VPS37C: variants seen among roughly 807,000 people sequenced by gnomAD.
The protein encoded by VPS37C is VPS37C subunit of ESCRT-I.
VPS37C carries 9 observed loss-of-function variants against 16.1 expected under a neutral mutation model. The observed-to-expected ratio is 0.56, with a 90% CI of 0.34 to 0.97. The LOEUF is 0.97. Among genes scored for constraint, VPS37C ranks in the 50% least tolerant of loss-of-function variants. The pLI is 0.02. For missense variants in VPS37C, 479 were observed against 472.7 expected, an observed-to-expected ratio of 1.01 and a Z score of -0.12; for synonymous variants, 207 against 206.4, an observed-to-expected ratio of 1.00 and a Z score of -0.02.
At chr11:61,155,927 C>G (rs1853369225) in intron 1 of VPS37C, among the ~76,000 whole-genome samples, 1 of 152,026 alleles carries the variant, frequency 6.6e-6, no homozygotes, top group South Asian at 2.1e-4. Flanking sequence ...AGAAGTAAAA[C>G]AGGTGACAAC....
rs964295113 is a variant in VPS37C at position 61,131,883 on chromosome 11, G to A, written c.1005C>T (p.Pro335=). 7.8e-7 allele frequency: 1 copy of A among 1,274,306 alleles called. No homozygotes were observed. The highest frequency in any genetic ancestry group is 1.0e-6 in the Non-Finnish European group (1 of 1,004,272). 78.9% of individuals were successfully genotyped at this position (1,274,306 alleles called of 1,614,324 possible). The change falls in exon 5 of 5, where the codon CCC becomes CCT. Residue 335 remains proline, a synonymous_variant. Coordinates refer to ENST00000301765, the MANE Select transcript of VPS37C (RefSeq NM_017966.5). The stretch of plus-strand genomic sequence containing the variant: ...ACCCATAGGGAGGGGCGGGCCCGGG[G>A]GGATAAGGGGGCTGCAGGGGCACTG... The part of the protein sequence containing the change: ...QPSVPLQPPY[P]PGPAPPYGFP...
intron 2 of VPS37C, among the ~76,000 whole-genome samples, chr11:61,136,258 TG>T (rs1861371977): frequency 6.6e-6 from 1 of 150,734 alleles, no homozygotes; most frequent in African/African-American, 2.4e-5. Context: ...CTCTGCCTCC[TG>T]GGTTCAAGCG....
intron 3 of VPS37C, 53 bp downstream of exon 3, chr11:61,133,983 G>A: frequency 1.3e-6 from 2 of 1,562,584 alleles, no homozygotes; most frequent in Non-Finnish European, 1.7e-6. Context: ...AACACGGTGG[G>A]CCTCCGTCCA....
At chr11:61,150,724 C>T (rs1166193418) in intron 1 of VPS37C, among the ~76,000 whole-genome samples, 1 of 152,020 alleles carries the variant, frequency 6.6e-6, no homozygotes, top group African/African-American at 2.4e-5. Context: ...CCCCCTACCC[C>T]GCTGCTCCCA....
intron 1 of VPS37C, among the ~76,000 whole-genome samples, chr11:61,145,647 G>C (rs552128798): frequency 6.6e-6 from 1 of 152,354 alleles, no homozygotes; most frequent in African/African-American, 2.4e-5. Flanking sequence ...AGCCCACAGA[G>C]CTGCTAAGAA....
intron 2 of VPS37C, among the ~76,000 whole-genome samples, chr11:61,135,759 A>T (rs943764228): frequency 8.5e-5 from 13 of 152,166 alleles, no homozygotes; most frequent in Non-Finnish European, 1.3e-4. Flanking sequence ...CTTTACTTAC[A>T]TGGCTGACCC....
intron 1 of VPS37C, among the ~76,000 whole-genome samples, chr11:61,160,642 T>A (rs79234640): frequency 0.012 from 1,813 of 152,254 alleles, 38 homozygotes; most frequent in African/African-American, 0.041. Context: ...GCTCAGCGAC[T>A]AAAACCCCAG....
At position 61,150,552 on chromosome 11, in the gene VPS37C, G is replaced by GTTTT. The variant is rs139641666; in HGVS notation, c.-7+10835_-7+10838dup. ...GTCACTTTCAACCTTTTTCAAAGGA[G>GTTTT]TTTTGTTTTTTTTTTTTCCAAACAG... is the stretch of plus-strand genomic sequence containing the variant. On this transcript the variant is annotated intron_variant, in intron 1 of 4. Coordinates refer to ENST00000301765, the MANE Select transcript of VPS37C (RefSeq NM_017966.5). Among the ~76,000 whole-genome samples, 6 of 127,950 alleles carry GTTTT rather than the reference G, an allele frequency of 4.7e-5. 1 individual carries two copies. 83.9% of individuals were successfully genotyped at this position (127,950 alleles called of 152,430 possible).
At chr11:61,147,215 C>T (rs1026023995) in intron 1 of VPS37C, among the ~76,000 whole-genome samples, 6 of 152,050 alleles carry the variant, frequency 3.9e-5, no homozygotes, top group African/African-American at 1.2e-4. Context: ...CCACAAGAAT[C>T]CTGGAGCCCC....
chr11:61,158,520 A>C (rs1853414336), intron 1 of VPS37C, among the ~76,000 whole-genome samples: 1 of 152,254 alleles, frequency 6.6e-6, no homozygotes, highest in African/African-American at 2.4e-5. Flanking sequence ...TTAAAAGAAA[A>C]TAAATTAGAA....
intron 1 of VPS37C, among the ~76,000 whole-genome samples, chr11:61,140,826 T>G (rs988080720): frequency 6.6e-6 from 1 of 152,184 alleles, no homozygotes; most frequent in Non-Finnish European, 1.5e-5. Flanking sequence ...TCAGAAAGGT[T>G]ACAGTCACAG....
At chr11:61,159,901 C>CAA (rs35953020) in intron 1 of VPS37C, among the ~76,000 whole-genome samples, 3,127 of 49,374 alleles carry the variant, frequency 0.063, 355 homozygotes, top group Non-Finnish European at 0.074. Flanking sequence ...GACTCCGTCT[C>CAA]AAAAAAAAAA....
intron 1 of VPS37C, among the ~76,000 whole-genome samples, chr11:61,149,136 G>GTTA (rs1350112688): frequency 1.3e-5 from 2 of 152,074 alleles, no homozygotes; most frequent in Non-Finnish European, 2.9e-5. Context: ...ATACAAAAAA[G>GTTA]TTAGCTGGGC....
At chr11:61,135,242 CG>C (rs1359932840) in intron 2 of VPS37C, among the ~76,000 whole-genome samples, 2 of 152,218 alleles carry the variant, frequency 1.3e-5, no homozygotes, top group Non-Finnish European at 2.9e-5. Context: ...GAGGCGGCCT[CG>C]GGGAAAGGCT....
intron 3 of VPS37C, 89 bp downstream of exon 3, chr11:61,133,947 C>T (rs1014869075): frequency 8.2e-6 from 12 of 1,457,104 alleles, no homozygotes; most frequent in Non-Finnish European, 1.0e-5. Context: ...AAAAAATATA[C>T]ATAAAGCACT....
intron 1 of VPS37C, among the ~76,000 whole-genome samples, chr11:61,159,117 G>A (rs1014580100): frequency 6.6e-6 from 1 of 152,210 alleles, no homozygotes; most frequent in African/African-American, 2.4e-5. Flanking sequence ...AGAGTGTCCA[G>A]AAATGATTCA....
intron 1 of VPS37C, among the ~76,000 whole-genome samples, chr11:61,158,158 G>C (rs936904660): frequency 6.6e-6 from 1 of 152,168 alleles, no homozygotes; most frequent in South Asian, 2.1e-4. Context: ...AATAAAGAAG[G>C]TCAATTCATA....
At chr11:61,136,576 G>T (rs1460975868) in intron 2 of VPS37C, among the ~76,000 whole-genome samples, 3 of 150,156 alleles carry the variant, frequency 2.0e-5, no homozygotes, top group East Asian at 2.0e-4. Flanking sequence ...GCATATTAGG[G>T]GTTCAGTGTG....
At chr11:61,161,031 T>C (rs1565198610) in intron 1 of VPS37C, 1 of 152,288 alleles carries the variant, frequency 6.6e-6, no homozygotes, top group Non-Finnish European at 1.5e-5. Context: ...ATCTATACAA[T>C]GGGCTAATTG....
Sources: gnomAD v4.1 joint callset for allele counts (sites outside exome capture counted in the v4.1 genomes callset) on GRCh38, gnomAD v4.1.1 for gene constraint, MANE v1.5 for transcripts, NCBI Gene and HGNC (gene_info 2026-07-23, HGNC 2026-07-21) for gene names.